The following HERC2 variants were observed in gnomAD, a reference collection of about 807,000 sequenced individuals.
HERC2 encodes the protein E3 ubiquitin-protein ligase HERC2.
In HERC2, 102 loss-of-function variants were observed where a neutral mutation model predicts 537.7. The observed-to-expected ratio is 0.19, with a 90% CI of 0.16 to 0.22. The LOEUF (loss-of-function observed/expected upper bound fraction) is 0.22. HERC2 is among the 10% of genes least tolerant of loss of function. The probability of loss-of-function intolerance (pLI) is 1.00; values close to 1 mark genes in which losing one functional copy is unlikely to be tolerated. For synonymous variants in HERC2, 2,224 were observed against 2,466.2 expected (o/e 0.90, Z 2.91); for missense variants, 4,236 against 6,198.2 (o/e 0.68, Z 10.63).
At chr15:28,195,156 T>C (rs547443001) in intron 52 of HERC2, among the ~76,000 whole-genome samples, 56 of 152,152 alleles carry the variant, frequency 3.7e-4, no homozygotes, top group Non-Finnish European at 1.5e-4. Flanking sequence ...AGGTGGAGAA[T>C]ATACTAATAA....
chr15:28,263,860 T>C (rs2140942999), intron 14 of HERC2, among the ~76,000 whole-genome samples: 1 of 151,910 alleles, frequency 6.6e-6, no homozygotes, highest in East Asian at 1.9e-4. Context: ...GGCAAAACCC[T>C]GTCTGTACTA....
intron 2 of HERC2, among the ~76,000 whole-genome samples, chr15:28,303,707 G>A (rs1389863736): frequency 1.3e-5 from 2 of 152,060 alleles, no homozygotes; most frequent in Non-Finnish European, 2.9e-5. Flanking sequence ...CCTTTTTTGT[G>A]TGTCTTCTTC....
chr15:28,321,234 T>C (rs2077220436), intron 2 of HERC2, 128 bp downstream of exon 2: 4 of 644,516 alleles, frequency 6.2e-6, no homozygotes, highest in South Asian at 1.7e-5. Flanking sequence ...TTACAGGAAA[T>C]AAACCTGCTC....
rs143710331 is a variant in HERC2, at chr15:28,233,538, G to A, written c.4375C>T (p.His1459Tyr). 6.2e-6 allele frequency: 10 copies of A among 1,607,578 alleles called. No homozygotes were observed. Among genetic ancestry groups the A allele is most frequent in the African/African-American group, 1.3e-5 (1 of 74,724 alleles). ...DLGHVALSLV[H>Y]AGALGIEQVK... ...TGCTCAATACCAAGTGCACCTGCAT[G>A]AACTAAAGATAATGCCACATGACCT... Residue 1459 changes from histidine to tyrosine, a missense_variant, in exon 29 of 93, where the codon CAT becomes TAT. Physicochemically the swap from His to Tyr is moderately conservative, Grantham distance 83 (BLOSUM62 2). Around this residue, in one of 27 missense-constraint regions of HERC2, gnomAD observed 94 missense variants for 174.9 expected, o/e 0.54. Coordinates refer to ENST00000261609, the MANE Select transcript of HERC2 (RefSeq NM_004667.6).
intron 65 of HERC2, among the ~76,000 whole-genome samples, chr15:28,173,830 A>G (rs2140132555): frequency 6.6e-6 from 1 of 150,448 alleles, no homozygotes; most frequent in South Asian, 2.1e-4. Flanking sequence ...AACAACAATA[A>G]CAAAAAGAAA....
chr15:28,237,340 C>T (rs1362234588), intron 25 of HERC2, among the ~76,000 whole-genome samples: 2 of 152,200 alleles, frequency 1.3e-5, no homozygotes, highest in Non-Finnish European at 2.9e-5. Context: ...CACAGCCCTA[C>T]TGTAGAAAAA....
At chr15:28,298,986 T>C (rs1262171943) in intron 3 of HERC2, among the ~76,000 whole-genome samples, 2 of 152,098 alleles carry the variant, frequency 1.3e-5, no homozygotes, top group Non-Finnish European at 2.9e-5. Context: ...AAGTTTAGGG[T>C]GTATACAAGC....
chr15:28,288,380 G>C (rs2076217248), intron 4 of HERC2, among the ~76,000 whole-genome samples: 1 of 147,988 alleles, frequency 6.8e-6, no homozygotes, highest in African/African-American at 2.5e-5. Context: ...TACAAAATTA[G>C]CCAGGTGTGG....
At chr15:28,146,522 T>C (rs1307292079) in intron 70 of HERC2, among the ~76,000 whole-genome samples, 178 bp from the exon 71 acceptor site, 2 of 152,266 alleles carry the variant, frequency 1.3e-5, no homozygotes, top group African/African-American at 2.4e-5. Flanking sequence ...CCACTGAAGA[T>C]CATGTCTGTG....
chr15:28,297,429 AG>A (rs1454506929), intron 3 of HERC2, among the ~76,000 whole-genome samples: 7 of 152,024 alleles, frequency 4.6e-5, no homozygotes, highest in East Asian at 3.8e-4. Context: ...TTAATGTTAA[AG>A]AAAAAAAAAA....
rs578052846 is a variant in HERC2, at chr15:28,191,529, C to T, written c.8452-285G>A. On this transcript the variant is annotated intron_variant, in intron 53 of 92. Transcript: ENST00000261609. ...AGTGAGTGACAGAAAACACTACAGTCGAGATGGAGAAAGGCCCTGTCCTAA... is the reference window on the plus strand; with the variant it reads ...AGTGAGTGACAGAAAACACTACAGTTGAGATGGAGAAAGGCCCTGTCCTAA... 5.9e-5 allele frequency among the ~76,000 whole-genome samples: 9 copies of T among 152,268 alleles called. No individual in the cohort carries two copies. In the South Asian group the frequency reaches 1.5e-3, roughly 25 times the overall value.
At chr15:28,257,516 A>G (rs2075298307) in intron 16 of HERC2, among the ~76,000 whole-genome samples, 1 of 152,202 alleles carries the variant, frequency 6.6e-6, no homozygotes, top group African/African-American at 2.4e-5. Flanking sequence ...TTTCACTCTC[A>G]AAACGATTAA....
chr15:28,112,038 GT>G lies in HERC2; in HGVS notation c.14233-4del. The G allele has an allele frequency of 6.2e-7, 1 of 1,613,064 alleles. No individual in the cohort carries two copies. The highest frequency in any genetic ancestry group is 1.1e-5 in the South Asian group (1 of 91,072). On this transcript the variant is annotated splice_region_variant and splice_polypyrimidine_tract_variant and intron_variant, in intron 92 of 92. Coordinates refer to ENST00000261609, the MANE Select transcript of HERC2 (RefSeq NM_004667.6). ...GGAGGGTTGTATTTATCCAACACCT[GT>G]TGAGCAGAAACATGAAGTGATTAGA...
At chr15:28,226,309 C>T (rs1299944612) in intron 35 of HERC2, among the ~76,000 whole-genome samples, 1 of 151,902 alleles carries the variant, frequency 6.6e-6, no homozygotes, top group Non-Finnish European at 1.5e-5. Flanking sequence ...ATGCAAGGGA[C>T]CCAAAGTAGC....
At chr15:28,196,721 G>C (rs1897378677) in intron 50 of HERC2, 152 bp from the exon 51 acceptor site, 1 of 580,794 alleles carries the variant, frequency 1.7e-6, no homozygotes, top group Admixed American at 3.4e-5. Flanking sequence ...AATGCTTATG[G>C]ATGAACTAAT....
Position 28,310,897 on chromosome 15 carries a change from G to A in HERC2, c.72+10465C>T, listed in dbSNP as rs190872408. Reference sequence around the variant, plus strand: ...TAAAGACCATCCCGGCTAACACAGCGAAACCCCATCTCTACTAAAAATACA... The same window carrying A: ...TAAAGACCATCCCGGCTAACACAGCAAAACCCCATCTCTACTAAAAATACA... On this transcript the variant is annotated intron_variant, in intron 2 of 92. Coordinates refer to ENST00000261609, the MANE Select transcript of HERC2 (RefSeq NM_004667.6). 4.7e-3 allele frequency among the ~76,000 whole-genome samples: 711 copies of A among 151,860 alleles called. 3 individuals carry two copies. The highest frequency in any genetic ancestry group is 0.013 in the African/African-American group (550 of 41,434).
rs1442177626 is a variant in HERC2, at chr15:28,214,204, C to T, written c.6427G>A (p.Ala2143Thr). The part of the protein sequence containing the change: ...SLTATHSSTL[A>T]EEVVALLRTL... ...CGCAGCAGTGCCACCACCTCCTCCG[C>T]CAGTGTGCTGCTGTGGGTGGCAGTC... The change falls in exon 41 of 93, where the codon GCG (alanine) becomes ACG (threonine). Residue 2143 changes from alanine to threonine, a missense_variant. This residue lies in a region of HERC2 where 365 missense variants were observed against 468.8 expected (regional missense o/e 0.78). Transcript: ENST00000261609. The T allele has an allele frequency of 4.3e-6, 7 of 1,612,314 alleles. No individual in the cohort carries two copies. In the African/African-American group the frequency reaches 6.7e-5, roughly 15 times the overall value.
intron 83 of HERC2, 38 bp from the exon 84 acceptor site, chr15:28,125,231 A>T (rs540841579): frequency 1.3e-6 from 2 of 1,544,630 alleles, no homozygotes; most frequent in Non-Finnish European, 1.8e-6. Context: ...CCTGTATACT[A>T]GGGCCAACAA....
chr15:28,221,004 G>A (rs1190407507), intron 36 of HERC2, among the ~76,000 whole-genome samples: 2 of 138,160 alleles, frequency 1.4e-5, no homozygotes, highest in African/African-American at 2.7e-5. Flanking sequence ...AGGAGGGTGC[G>A]TGCCCTGCCC....
Sources: allele counts gnomAD v4.1 joint callset (sites outside exome capture counted in the v4.1 genomes callset), GRCh38; gene constraint gnomAD v4.1.1; regional missense constraint gnomAD v4.1.1; transcripts MANE v1.5; gene names NCBI Gene and HGNC (gene_info 2026-07-23, HGNC 2026-07-21).